Variants in SH3RF3 observed in about 807,000 individuals in gnomAD.
SH3RF3 encodes SH3 domain containing ring finger 3.
A neutral mutation model predicts 66.3 loss-of-function variants in SH3RF3; 29 were observed. The ratio of observed to expected loss-of-function variants is 0.44; its 90% CI spans 0.33 to 0.60. SH3RF3 has a LOEUF of 0.60. Among genes scored for constraint, SH3RF3 ranks in the 20% least tolerant of loss-of-function variants. SH3RF3 has a pLI of 0.04. For synonymous variants in SH3RF3, 583 were observed against 532.0 expected, an observed-to-expected ratio of 1.10 and a Z score of -1.32; for missense variants, 1,194 against 1,190.9, an observed-to-expected ratio of 1.00 and a Z score of -0.04.
At chr2:109,297,823 C>T (rs1168876800) in intron 1 of SH3RF3, among the ~76,000 whole-genome samples, 1 of 152,026 alleles carries the variant, frequency 6.6e-6, no homozygotes, top group African/African-American at 2.4e-5. Context: ...CAGTGCTCCT[C>T]ACCAGGACAG....
chr2:109,495,477 C>CT (rs569509984), intron 9 of SH3RF3, among the ~76,000 whole-genome samples: 4,287 of 93,866 alleles, frequency 0.046, 593 homozygotes, highest in Non-Finnish European at 0.055. Flanking sequence ...TCTTTCATTC[C>CT]TTTTTTTTTT....
chr2:109,472,726 T>G (rs2104731601), intron 8 of SH3RF3, among the ~76,000 whole-genome samples: 1 of 152,214 alleles, frequency 6.6e-6, no homozygotes, highest in East Asian at 1.9e-4. Context: ...TTACAGAGAT[T>G]TCATCTGAAT....
chr2:109,413,201 G>A (rs986916405), intron 4 of SH3RF3, among the ~76,000 whole-genome samples: 1 of 152,138 alleles, frequency 6.6e-6, no homozygotes, highest in Non-Finnish European at 1.5e-5. Flanking sequence ...TGCAACCTCC[G>A]CCTCATGGGT....
chr2:109,162,388 A>G (rs2104912224), intron 1 of SH3RF3, among the ~76,000 whole-genome samples: 1 of 151,512 alleles, frequency 6.6e-6, no homozygotes, highest in East Asian at 1.9e-4. Context: ...GGGCTCCTCA[A>G]CCTTTTTTAA....
chr2:109,161,444 G>C (rs1024808468), intron 1 of SH3RF3, among the ~76,000 whole-genome samples: 32 of 151,316 alleles, frequency 2.1e-4, no homozygotes, highest in African/African-American at 7.6e-4. Flanking sequence ...CTGATGGTCT[G>C]TTCTTCCCCT....
At chr2:109,191,540 T>A (rs1678363871) in intron 1 of SH3RF3, among the ~76,000 whole-genome samples, 1 of 152,088 alleles carries the variant, frequency 6.6e-6, no homozygotes, top group Non-Finnish European at 1.5e-5. Context: ...CTCCTGAGAG[T>A]CTGCTCAGGC....
At chr2:109,399,327 A>C (rs1163586969) in intron 4 of SH3RF3, among the ~76,000 whole-genome samples, 4 of 152,204 alleles carry the variant, frequency 2.6e-5, no homozygotes, top group African/African-American at 9.7e-5. Flanking sequence ...AATGTTTGCT[A>C]ATTTCCCTTT....
chr2:109,404,770 C>T (rs569093823), intron 4 of SH3RF3, among the ~76,000 whole-genome samples: 6 of 152,264 alleles, frequency 3.9e-5, no homozygotes, highest in African/African-American at 1.4e-4. Flanking sequence ...CGACTCTCTG[C>T]AGTCCGATCT....
At chr2:109,191,077 G>A (rs1192894575) in intron 1 of SH3RF3, among the ~76,000 whole-genome samples, 1 of 152,036 alleles carries the variant, frequency 6.6e-6, no homozygotes, top group Admixed American at 6.6e-5. Flanking sequence ...TGTTGTATTC[G>A]GAAAGTAGCT....
intron 1 of SH3RF3, among the ~76,000 whole-genome samples, chr2:109,228,060 G>A (rs987896781): frequency 6.6e-6 from 1 of 152,192 alleles, no homozygotes; most frequent in Admixed American, 6.5e-5. Context: ...CCCAGACACA[G>A]GTACGAGTGT....
At chr2:109,272,849 G>A (rs1680660564) in intron 1 of SH3RF3, among the ~76,000 whole-genome samples, 1 of 152,170 alleles carries the variant, frequency 6.6e-6, no homozygotes, top group Non-Finnish European at 1.5e-5. Context: ...TTCCCGGACT[G>A]GTGTTCTGTC....
At chr2:109,315,821 C>A (rs1314478006) in intron 1 of SH3RF3, among the ~76,000 whole-genome samples, 4 of 152,154 alleles carry the variant, frequency 2.6e-5, no homozygotes, top group Non-Finnish European at 1.5e-5. Context: ...CGCTTTTCCA[C>A]CCTAGAATGA....
chr2:109,283,733 C>T (rs970754104), intron 1 of SH3RF3, among the ~76,000 whole-genome samples: 1 of 152,202 alleles, frequency 6.6e-6, no homozygotes, highest in East Asian at 1.9e-4. Flanking sequence ...AATCGCTGGC[C>T]TGAGCCACAG....
At chr2:109,494,768 C>T (rs1679217255) in intron 9 of SH3RF3, among the ~76,000 whole-genome samples, 1 of 152,098 alleles carries the variant, frequency 6.6e-6, no homozygotes, top group South Asian at 2.1e-4. Flanking sequence ...GAGGAATGGG[C>T]AGTGTTGCTG....
chr2:109,295,005 T>G (rs1365135925), intron 1 of SH3RF3, among the ~76,000 whole-genome samples: 1 of 152,260 alleles, frequency 6.6e-6, no homozygotes, highest in African/African-American at 2.4e-5. Flanking sequence ...TTTTCCAAGC[T>G]ATTCCATGGA....
chr2:109,442,038 A>G (rs918389890), intron 7 of SH3RF3, among the ~76,000 whole-genome samples: 1 of 152,242 alleles, frequency 6.6e-6, no homozygotes, highest in African/African-American at 2.4e-5. Context: ...TTGGCCAGGC[A>G]CAGTGGCTCA....
chr2:109,255,581 T>A (rs1053766094), intron 1 of SH3RF3, among the ~76,000 whole-genome samples: 2 of 152,242 alleles, frequency 1.3e-5, no homozygotes, highest in Non-Finnish European at 2.9e-5. Flanking sequence ...ATCACCTCTA[T>A]AATTATGAAA....
intron 2 of SH3RF3, among the ~76,000 whole-genome samples, chr2:109,369,454 T>C (rs1278678975): frequency 6.6e-6 from 1 of 152,224 alleles, no homozygotes; most frequent in African/African-American, 2.4e-5. Context: ...TTTTGGGCTG[T>C]GTGAAGTGAT....
At chr2:109,438,196 G>A (rs1196598065) in intron 7 of SH3RF3, among the ~76,000 whole-genome samples, 1 of 152,182 alleles carries the variant, frequency 6.6e-6, no homozygotes, top group Non-Finnish European at 1.5e-5. Flanking sequence ...CTTAGCTGAT[G>A]GGACAAGGGG....
Sources: allele counts gnomAD v4.1 joint callset (sites outside exome capture counted in the v4.1 genomes callset), GRCh38; gene constraint gnomAD v4.1.1; transcripts MANE v1.5; gene names NCBI Gene and HGNC (gene_info 2026-07-23, HGNC 2026-07-21).